Variants in PCDHGA10 observed in about 807,000 individuals in gnomAD.
PCDHGA10 encodes protocadherin gamma subfamily A, 10.
Under a neutral mutation model 59.5 loss-of-function variants are expected in PCDHGA10, and 42 were observed. The ratio of observed to expected loss-of-function variants is 0.71; its 90% CI spans 0.55 to 0.91. The LOEUF is 0.91. Ranked by LOEUF, PCDHGA10 falls within the 40% of genes least tolerant of loss-of-function variation. The pLI, the probability that PCDHGA10 is intolerant of heterozygous loss-of-function variation, is 0.00. For synonymous variants in PCDHGA10, 511 were observed against 517.2 expected (o/e 0.99, Z 0.16); for missense variants, 1,111 against 1,198.2 (o/e 0.93, Z 1.07).
At chr5:141,502,368 G>A (rs2099813930) in intron 2 of PCDHGA10, among the ~76,000 whole-genome samples, 1 of 151,996 alleles carries the variant, frequency 6.6e-6, no homozygotes, top group East Asian at 1.9e-4. Context: ...TATTTTTAAA[G>A]AGTCCAGGCC....
intron 1 of PCDHGA10, chr5:141,421,414 C>G: frequency 6.2e-7 from 1 of 1,614,066 alleles, no homozygotes; most frequent in Non-Finnish European, 8.5e-7. Flanking sequence ...GCTGGCGAAG[C>G]GCGGAGTCCG....
intron 1 of PCDHGA10, among the ~76,000 whole-genome samples, chr5:141,452,137 GT>G (rs2098734666): frequency 6.6e-6 from 1 of 152,044 alleles, no homozygotes; most frequent in Non-Finnish European, 1.5e-5. Flanking sequence ...TGGCTCATGT[GT>G]TTTTTCCAAT....
chr5:141,504,010 C>G (rs980812107), intron 2 of PCDHGA10, among the ~76,000 whole-genome samples: 9 of 152,204 alleles, frequency 5.9e-5, no homozygotes, highest in African/African-American at 1.2e-4. Context: ...TTAACTGTCT[C>G]TGCTGGTCTC....
intron 1 of PCDHGA10, chr5:141,418,303 G>T: frequency 6.2e-7 from 1 of 1,614,032 alleles, no homozygotes; most frequent in Middle Eastern, 1.6e-4. Flanking sequence ...CCGTCAGCCT[G>T]GGGATGGGAA....
chr5:141,466,822 G>A (rs1396286898), intron 1 of PCDHGA10, among the ~76,000 whole-genome samples: 4 of 152,046 alleles, frequency 2.6e-5, no homozygotes. Flanking sequence ...GGTATAACAA[G>A]TTAGTATGGG....
rs1321974739 is a variant in PCDHGA10, at chr5:141,432,755, G to A, written c.2436+17144G>A. The A allele has an allele frequency of 2.5e-6, 4 of 1,614,134 alleles. No individual in the cohort carries two copies. Among genetic ancestry groups the A allele is most frequent in the African/African-American group, 1.3e-5 (1 of 75,060 alleles). On this transcript the variant is annotated intron_variant, in intron 1 of 3. Coordinates refer to ENST00000398610, the MANE Select transcript of PCDHGA10 (RefSeq NM_018913.3). This position sits in a 1 kb window ranked among gnomAD's most constrained non-coding sequence, Gnocchi z 6.0. ...TGTCACGCTCACCGTGGCCGTGGCC[G>A]ACAGCATCCCCCAAGTCCTGGCGGA...
intron 1 of PCDHGA10, among the ~76,000 whole-genome samples, chr5:141,436,328 A>G (rs146180035): frequency 6.6e-6 from 1 of 152,326 alleles, no homozygotes; most frequent in East Asian, 1.9e-4. Flanking sequence ...CTGTTAGACC[A>G]TATCTCAAAT....
At chr5:141,418,800 G>A in intron 1 of PCDHGA10, 1 of 1,613,800 alleles carries the variant, frequency 6.2e-7, no homozygotes, top group African/African-American at 1.3e-5. Context: ...GAAGTAGAAA[G>A]ATATACGATA....
intron 1 of PCDHGA10, among the ~76,000 whole-genome samples, chr5:141,492,781 T>C (rs945023154): frequency 9.9e-5 from 15 of 152,194 alleles, no homozygotes; most frequent in African/African-American, 3.6e-4. Flanking sequence ...TGAGTGAGCC[T>C]CTATAGGACA....
intron 3 of PCDHGA10, among the ~76,000 whole-genome samples, chr5:141,508,620 G>A (rs1017391751): frequency 2.0e-5 from 3 of 152,070 alleles, no homozygotes; most frequent in East Asian, 1.9e-4. Context: ...GACGTGGGTG[G>A]GCCGAGCTTC....
chr5:141,420,511 A>G (rs958868048), intron 1 of PCDHGA10: 23 of 419,992 alleles, frequency 5.5e-5, no homozygotes, highest in Middle Eastern at 6.5e-4. Context: ...ATTTTTATGA[A>G]GTAAAATACC....
At chr5:141,430,781 C>G in intron 1 of PCDHGA10, 8 of 1,510,922 alleles carry the variant, frequency 5.3e-6, no homozygotes, top group Non-Finnish European at 7.1e-6. Context: ...GCGACTGCAC[C>G]GGGACTACAA....
At position 141,432,673 on chromosome 5, in the gene PCDHGA10, C is replaced by A. The variant is rs770930842; in HGVS notation, c.2436+17062C>A. 5 of 1,613,922 alleles carry A rather than the reference C, an allele frequency of 3.1e-6. No homozygotes were observed. Among genetic ancestry groups the A allele is most frequent in the Non-Finnish European group, 4.2e-6 (5 of 1,179,960 alleles). On this transcript the variant is annotated intron_variant, in intron 1 of 3. Coordinates refer to ENST00000398610, the MANE Select transcript of PCDHGA10 (RefSeq NM_018913.3). This position sits in a 1 kb window ranked among gnomAD's most constrained non-coding sequence, Gnocchi z 6.0. ...GAGCCCTGCTGGACAGAGACGCGCTCAAGCAGAGCCTCGTAGTGGCCGTCC... is the reference window on the plus strand; with the variant it reads ...GAGCCCTGCTGGACAGAGACGCGCTAAAGCAGAGCCTCGTAGTGGCCGTCC...
Position 141,435,556 on chromosome 5 carries a change from G to C in PCDHGA10, c.2436+19945G>C, listed in dbSNP as rs568743865. ...AGAATTAACAAAATGTGTTTTGAGT[G>C]CTTTTTTTAGTACTGGGGCAAATTT... is the stretch of plus-strand genomic sequence containing the variant. On this transcript the variant is annotated intron_variant, in intron 1 of 3. Transcript: ENST00000398610. Among the ~76,000 whole-genome samples, 7 of 152,242 alleles carry C rather than the reference G, an allele frequency of 4.6e-5. 1 individual carries two copies. Among genetic ancestry groups the C allele is most frequent in the African/African-American group, 1.4e-4 (6 of 41,544 alleles).
Position 141,485,119 on chromosome 5 carries a change from C to A in PCDHGA10, c.2437-9688C>A. 3.0e-6 allele frequency: 4 copies of A among 1,328,812 alleles called. No homozygotes were observed. Among genetic ancestry groups the A allele is most frequent in the Non-Finnish European group, 4.3e-6 (4 of 935,940 alleles). The allele number at this position is 1,328,812 out of a possible 1,614,324, so 82.3% of individuals were successfully genotyped here. ...CTCCAGCTGCTGTGGCTGTTTGGGG[C>A]GGGTCGGCTTCATCCGCGTCTCAGG... On this transcript the variant is annotated intron_variant, in intron 1 of 3. Transcript: ENST00000398610. This position sits in a 1 kb window ranked among gnomAD's most constrained non-coding sequence, Gnocchi z 5.7.
chr5:141,413,725 C>A lies in PCDHGA10; in HGVS notation c.550C>A (p.Leu184Ile). 6.2e-7 allele frequency: 1 copy of A among 1,613,546 alleles called. No individual in the cohort carries two copies. Among genetic ancestry groups the A allele is most frequent in the Non-Finnish European group, 8.5e-7 (1 of 1,179,876 alleles). Residue 184 changes from leucine (L) to isoleucine (I), a missense_variant, in exon 1 of 4, where the codon CTA becomes ATA. Transcript: ENST00000398610. The part of the protein sequence containing the change: ...YQLSPNKHFS[L>I]RVQSRANGVK... ...GCTCAGCCCCAATAAGCACTTCTCC[C>A]TAAGAGTTCAGAGCCGTGCCAATGG...
chr5:141,438,627 T>TAC (rs2098030812), intron 1 of PCDHGA10, among the ~76,000 whole-genome samples: 3 of 48,012 alleles, frequency 6.2e-5, no homozygotes, highest in Non-Finnish European at 1.0e-4. Flanking sequence ...TATATATATA[T>TAC]ATATATATAC....
chr5:141,477,063 A>G lies in PCDHGA10; in HGVS notation c.2437-17744A>G, dbSNP rs2099404387. 6.2e-7 allele frequency: 1 copy of G among 1,614,248 alleles called. No individual in the cohort carries two copies. On this transcript the variant is annotated intron_variant, in intron 1 of 3. Coordinates refer to ENST00000398610, the MANE Select transcript of PCDHGA10 (RefSeq NM_018913.3). The surrounding 1 kb of genome is among the most constrained non-coding windows in gnomAD (Gnocchi z 4.9). Reference sequence around the variant, plus strand: ...GGTCGGCTGGACTTCGAGGACACCAAACTCCATGAGATTTACATCCAGGCC... The same window carrying G: ...GGTCGGCTGGACTTCGAGGACACCAGACTCCATGAGATTTACATCCAGGCC...
chr5:141,414,312 C>T lies in PCDHGA10; in HGVS notation c.1137C>T (p.Asp379=). 6.2e-7 allele frequency: 1 copy of T among 1,613,724 alleles called. No homozygotes were observed. The highest frequency in any genetic ancestry group is 1.1e-5 in the South Asian group (1 of 91,050). Residue 379 remains aspartate, a synonymous_variant, in exon 1 of 4, where the codon GAC becomes GAT. Coordinates refer to ENST00000398610, the MANE Select transcript of PCDHGA10 (RefSeq NM_018913.3). The stretch of plus-strand genomic sequence containing the variant: ...CCCTTTTAAATGTGCATGATTTAGA[C>T]TCTGAGCAGAATGGACAGGTAACCT... ...VVALLNVHDL[D]SEQNGQVTCS... is the part of the protein sequence containing the mutation.
Sources: allele counts gnomAD v4.1 joint callset (sites outside exome capture counted in the v4.1 genomes callset), GRCh38; gene constraint gnomAD v4.1.1; non-coding constraint Gnocchi (gnomAD v3.1); transcripts MANE v1.5; gene names NCBI Gene and HGNC (gene_info 2026-07-23, HGNC 2026-07-21).